RBM6: variants seen among roughly 807,000 people sequenced by gnomAD.
RBM6 encodes the protein RNA-binding protein 6.
A neutral mutation model predicts 140.4 loss-of-function variants in RBM6; 23 were observed. The ratio of observed to expected loss-of-function variants is 0.16; its 90% CI spans 0.12 to 0.23. RBM6 has a LOEUF of 0.23. Among genes scored for constraint, RBM6 ranks in the 10% least tolerant of loss-of-function variants. RBM6 has a pLI of 1.00. For missense variants in RBM6, 1,139 were observed against 1,386.7 expected (o/e 0.82, Z 2.84); for synonymous variants, 439 against 475.6 (o/e 0.92, Z 1.00).
chr3:50,024,547 C>T (rs2087691624), intron 6 of RBM6, among the ~76,000 whole-genome samples: 3 of 151,942 alleles, frequency 2.0e-5, no homozygotes, highest in Admixed American at 1.3e-4. Flanking sequence ...GACTTTTATA[C>T]TTAGTATTGT....
At chr3:50,054,547 C>T in intron 8 of RBM6, 152 bp downstream of exon 8, 1 of 712,078 alleles carries the variant, frequency 1.4e-6, no homozygotes, top group South Asian at 1.8e-5. Flanking sequence ...GCTGTGTTGC[C>T]CAGGCTGGAG....
chr3:50,021,145 G>A (rs1575715586), intron 6 of RBM6, among the ~76,000 whole-genome samples: 1 of 152,196 alleles, frequency 6.6e-6, no homozygotes, highest in African/African-American at 2.4e-5. Context: ...AGCTTGAAGA[G>A]AATATGTAGT....
At chr3:49,984,791 A>G (rs1402290523) in intron 5 of RBM6, among the ~76,000 whole-genome samples, 2 of 152,230 alleles carry the variant, frequency 1.3e-5, no homozygotes, top group East Asian at 3.8e-4. Flanking sequence ...AGCCAAGAAG[A>G]AGGATACTAA....
intron 1 of RBM6, among the ~76,000 whole-genome samples, chr3:49,951,191 G>A (rs1176217746): frequency 6.6e-6 from 1 of 152,136 alleles, no homozygotes; most frequent in Non-Finnish European, 1.5e-5. Context: ...TGTGAGGGAT[G>A]AATCAGCAGT....
intron 19 of RBM6, 153 bp from the exon 20 acceptor site, chr3:50,075,048 C>A: frequency 1.2e-6 from 1 of 842,558 alleles, no homozygotes; most frequent in Non-Finnish European, 1.8e-6. Context: ...CCCAGCTAAT[C>A]GGGAGGCTGA....
chr3:50,077,119 A>G lies in RBM6; in HGVS notation c.3358A>G (p.Lys1120Glu). 1 of 1,611,430 alleles carries G rather than the reference A, an allele frequency of 6.2e-7. No individual in the cohort carries two copies. The highest frequency in any genetic ancestry group is 8.5e-7 in the Non-Finnish European group (1 of 1,179,316). Residue 1120 changes from lysine (K) to glutamate (E), a missense_variant, in exon 21 of 21, where the codon AAA becomes GAA. By Grantham distance (56) the Lys-to-Glu change is moderately conservative. Transcript: ENST00000266022. ...TCGAAGAGTCATGTTTGCTCGATATAAAGAACTCGATTAAGAAAGGAGACA... is the reference window on the plus strand; with the variant it reads ...TCGAAGAGTCATGTTTGCTCGATATGAAGAACTCGATTAAGAAAGGAGACA... ...AVRRVMFARY[K>E]ELD
At chr3:50,053,490 C>T (rs562187077) in intron 7 of RBM6, among the ~76,000 whole-genome samples, 13 of 151,876 alleles carry the variant, frequency 8.6e-5, no homozygotes, top group Non-Finnish European at 1.8e-4. Flanking sequence ...GAGATCATGC[C>T]GTTGCACTCC....
At chr3:49,968,811 C>T (rs1279785278) in intron 3 of RBM6, 63 bp downstream of exon 3, 45 of 1,429,396 alleles carry the variant, frequency 3.1e-5, no homozygotes, top group South Asian at 4.4e-5. Flanking sequence ...GACGGAGTCT[C>T]GCTCTGTTGC....
At chr3:50,057,527 G>A (rs766582747) in intron 8 of RBM6, among the ~76,000 whole-genome samples, 1 of 134,370 alleles carries the variant, frequency 7.4e-6, no homozygotes, top group Non-Finnish European at 1.5e-5. Context: ...GGCAGAGGTT[G>A]CAGTGAGCCA....
At chr3:50,012,738 C>CTTTT (rs1354297345) in intron 6 of RBM6, among the ~76,000 whole-genome samples, 3 of 120,852 alleles carry the variant, frequency 2.5e-5, no homozygotes, top group Non-Finnish European at 3.3e-5. Context: ...TAGATTCTAC[C>CTTTT]TTTTTTTTTT....
chr3:50,031,580 G>A (rs9866016), intron 6 of RBM6, among the ~76,000 whole-genome samples: 5 of 151,348 alleles, frequency 3.3e-5, no homozygotes, highest in Admixed American at 2.0e-4. Flanking sequence ...GGGGCCTGTC[G>A]TGGGGTGGGG....
In RBM6 at chr3:50,059,529, G is replaced by A. The variant is rs912452701; in HGVS notation, c.2131-120G>A. The A allele has an allele frequency of 2.0e-5, 15 of 751,322 alleles. No homozygotes were observed. The African/African-American group carries it at 2.5e-4, about 12-fold the overall frequency. The allele number at this position is 751,322 out of a possible 1,614,324, so 46.5% of individuals were successfully genotyped here. A position where few individuals can be genotyped will look rare whatever the true frequency, so the allele number is the denominator to read the frequency against. On this transcript the variant is annotated intron_variant, in intron 10 of 20. Transcript: ENST00000266022. ...TGTTAAAATTTTGACAGAATATAATGTAGTAAATTTATCCTCTGAGAAGGA... is the reference window on the plus strand; with the variant it reads ...TGTTAAAATTTTGACAGAATATAATATAGTAAATTTATCCTCTGAGAAGGA...
intron 1 of RBM6, among the ~76,000 whole-genome samples, chr3:49,949,283 A>C (rs981347179): frequency 6.6e-6 from 1 of 151,804 alleles, no homozygotes; most frequent in African/African-American, 2.4e-5. Context: ...CTTTTTACTT[A>C]CCTCCCCCTA....
chr3:50,055,013 G>A (rs1199027903), intron 8 of RBM6, among the ~76,000 whole-genome samples: 3 of 152,120 alleles, frequency 2.0e-5, no homozygotes, highest in Non-Finnish European at 2.9e-5. Context: ...TAGTAGAGAC[G>A]GAGTTTCACC....
In RBM6 at chr3:50,039,270, G is replaced by A. The variant is rs892714936; in HGVS notation, c.1558-8975G>A. Among the ~76,000 whole-genome samples, 5 of 151,860 alleles carry A rather than the reference G, an allele frequency of 3.3e-5. No homozygotes were observed. The East Asian group carries it at 7.8e-4, about 24-fold the overall frequency. ...TTTATTTATTTTGAGATGGAGTCTC[G>A]CTCTTTTCACCCAGGCTGGAGTGCA... is the stretch of plus-strand genomic sequence containing the variant. On this transcript the variant is annotated intron_variant, in intron 6 of 20. Coordinates refer to ENST00000266022, the MANE Select transcript of RBM6 (RefSeq NM_005777.3).
chr3:49,962,037 T>C (rs1463053039), intron 1 of RBM6, among the ~76,000 whole-genome samples: 3 of 151,660 alleles, frequency 2.0e-5, no homozygotes, highest in African/African-American at 7.3e-5. Flanking sequence ...GCGCCTGTAG[T>C]TCTAGCTACT....
chr3:50,005,135 A>G (rs2086514487), intron 6 of RBM6, among the ~76,000 whole-genome samples: 2 of 152,158 alleles, frequency 1.3e-5, no homozygotes, highest in South Asian at 2.1e-4. Flanking sequence ...TGAAGATACA[A>G]GAGTGTTTTT....
At chr3:49,991,157 A>G (rs768804457) in intron 5 of RBM6, among the ~76,000 whole-genome samples, 3 of 152,228 alleles carry the variant, frequency 2.0e-5, no homozygotes, top group South Asian at 4.1e-4. Context: ...TCAGTTTTTT[A>G]TAAAGGATAC....
At chr3:49,966,277 G>A (rs2084514538) in intron 2 of RBM6, among the ~76,000 whole-genome samples, 1 of 152,240 alleles carries the variant, frequency 6.6e-6, no homozygotes, top group Admixed American at 6.5e-5. Flanking sequence ...GTTCTGGGAG[G>A]CAAGAATTGA....
Sources: allele counts gnomAD v4.1 joint callset (sites outside exome capture counted in the v4.1 genomes callset), GRCh38; gene constraint gnomAD v4.1.1; transcripts MANE v1.5; gene names NCBI Gene and HGNC (gene_info 2026-07-23, HGNC 2026-07-21).